The following PPP1R12C variants were observed in gnomAD, a reference collection of about 807,000 sequenced individuals.
The protein encoded by PPP1R12C is leukocyte receptor cluster (LRC) encoded novel gene 3.
In PPP1R12C, 48 loss-of-function variants were observed where a neutral mutation model predicts 95.6. The ratio of observed to expected loss-of-function variants is 0.50; its 90% CI spans 0.40 to 0.64. The LOEUF is 0.64. Among genes scored for constraint, PPP1R12C ranks in the 30% least tolerant of loss-of-function variants. The pLI, the probability that PPP1R12C is intolerant of heterozygous loss-of-function variation, is 0.00. For missense variants in PPP1R12C, 1,057 were observed against 1,083.3 expected (o/e 0.98, Z 0.34); for synonymous variants, 480 against 460.8 (o/e 1.04, Z -0.53).
intron 18 of PPP1R12C, 21 bp from the exon 19 acceptor site, chr19:55,092,347 G>T: frequency 6.3e-7 from 1 of 1,581,536 alleles, no homozygotes. Flanking sequence ...GGTAGAGGAG[G>T]GTCAGGTGGA....
At position 55,101,455 on chromosome 19, in the gene PPP1R12C, T is replaced by C. The variant is rs780922465; in HGVS notation, c.731+1954A>G. 1.6e-4 allele frequency among the ~76,000 whole-genome samples: 24 copies of C among 152,064 alleles called. 1 individual carries two copies. Among genetic ancestry groups the C allele is most frequent in the Non-Finnish European group, 1.8e-4 (12 of 68,022 alleles). On this transcript the variant is annotated intron_variant, in intron 4 of 21. Coordinates refer to ENST00000263433, the MANE Select transcript of PPP1R12C (RefSeq NM_017607.4). Reference sequence around the variant, plus strand: ...CAGGCCACCCAGCTGAAGACAAATCTCCAACTGTTCCTTGCAGCGAGGAGC... The same window carrying C: ...CAGGCCACCCAGCTGAAGACAAATCCCCAACTGTTCCTTGCAGCGAGGAGC...
At chr19:55,103,933 C>T (rs1163687687) in intron 3 of PPP1R12C, among the ~76,000 whole-genome samples, 2 of 149,278 alleles carry the variant, frequency 1.3e-5, no homozygotes, top group Non-Finnish European at 3.0e-5. Flanking sequence ...AGGTGGATCA[C>T]GAGCTCAGGA....
intron 4 of PPP1R12C, among the ~76,000 whole-genome samples, chr19:55,099,770 AAAC>A (rs1407650252): frequency 6.6e-6 from 1 of 152,228 alleles, no homozygotes; most frequent in Non-Finnish European, 1.5e-5. Flanking sequence ...TTCTGCGAGA[AAAC>A]AATAACCACC....
chr19:55,104,895 T>C (rs533555366), intron 3 of PPP1R12C, among the ~76,000 whole-genome samples: 14 of 151,296 alleles, frequency 9.3e-5, no homozygotes, highest in African/African-American at 2.7e-4. Flanking sequence ...CCTCAGCTTC[T>C]TGAGTAGCTG....
At chr19:55,112,979 G>T (rs1320979351) in intron 1 of PPP1R12C, 184 bp from the exon 2 acceptor site, 14 of 781,820 alleles carry the variant, frequency 1.8e-5, no homozygotes, top group Non-Finnish European at 2.6e-5. Context: ...TGGTCAGGCC[G>T]GCCAGGCCTT....
In PPP1R12C at chr19:55,091,327, C is replaced by T. The variant is rs921949322; in HGVS notation, c.*145G>A. 2 of 884,814 alleles carry T rather than the reference C, an allele frequency of 2.3e-6. No individual in the cohort carries two copies. The highest frequency in any genetic ancestry group is 2.7e-5 in the East Asian group (1 of 37,530). The allele number at this position is 884,814 out of a possible 1,614,324, so 54.8% of individuals were successfully genotyped here. On this transcript the variant is annotated 3_prime_UTR_variant, in exon 22 of 22. Transcript: ENST00000263433. Reference sequence around the variant, plus strand: ...GCCCCCTCGGCTCCTGGGGACTCTGCTCCCCTCCCAGTCCGGAGGTCCCAG... The same window carrying T: ...GCCCCCTCGGCTCCTGGGGACTCTGTTCCCCTCCCAGTCCGGAGGTCCCAG...
At chr19:55,099,481 G>A (rs1299782819) in intron 4 of PPP1R12C, among the ~76,000 whole-genome samples, 1 of 152,212 alleles carries the variant, frequency 6.6e-6, no homozygotes, top group African/African-American at 2.4e-5. Context: ...ACCCCCAAAG[G>A]GCTGTCTCAG....
intron 6 of PPP1R12C, chr19:55,097,005 C>T (rs867319876): frequency 1.9e-5 from 4 of 211,292 alleles, no homozygotes; most frequent in Non-Finnish European, 2.6e-5. Context: ...CCCTTCCCCG[C>T]GCAGTTCACC....
chr19:55,092,232 C>T lies in PPP1R12C; in HGVS notation c.2150G>A (p.Arg717Gln). 1 of 1,577,848 alleles carries T rather than the reference C, an allele frequency of 6.3e-7. No homozygotes were observed. The highest frequency in any genetic ancestry group is 8.6e-7 in the Non-Finnish European group (1 of 1,164,122). Residue 717 changes from arginine to glutamine, a missense_variant, in exon 19 of 22, where the codon CGG becomes CAG. Around this residue, in one of 5 missense-constraint regions of PPP1R12C, gnomAD observed 347 missense variants for 307.9 expected, o/e 1.13. Coordinates refer to ENST00000263433, the MANE Select transcript of PPP1R12C (RefSeq NM_017607.4). ...RLAQLKVELE[R>Q]ATQRQERFAE... ...CCTCGGCGCCCTTACCTGCGTGGCCCGCTCCAGCTCCACCTTGAGCTGCGC... is the reference window on the plus strand; with the variant it reads ...CCTCGGCGCCCTTACCTGCGTGGCCTGCTCCAGCTCCACCTTGAGCTGCGC...
At chr19:55,097,605 TCGCCCCTTCCCCGCG>T in intron 6 of PPP1R12C, among the ~76,000 whole-genome samples, 1 of 53,010 alleles carries the variant, frequency 1.9e-5, no homozygotes, top group African/African-American at 6.0e-5. Flanking sequence ...ACCACCGTCT[TCGCCCCTTCCCCGCG>T]CAGTTCACCA....
In PPP1R12C at chr19:55,092,637, C is replaced by A. The variant is rs187012282; in HGVS notation, c.1937G>T (p.Arg646Leu). The change falls in exon 17 of 22, where the codon CGC (arginine) becomes CTC (leucine). Residue 646 changes from arginine (R) to leucine (L), a missense_variant. Physicochemically the swap from Arg to Leu is moderately radical, Grantham distance 102. Coordinates refer to ENST00000263433, the MANE Select transcript of PPP1R12C (RefSeq NM_017607.4). Reference protein sequence around the residue: ...AEGEEAEPADRSQESSTLEGG... With the variant: ...AEGEEAEPADLSQESSTLEGG... The stretch of plus-strand genomic sequence containing the variant: ...CCGCCCCTACCTGGACTCCTGGCTG[C>A]GGTCAGCCGGCTCCGCCTCCTCCCC... 8.5e-6 allele frequency: 13 copies of A among 1,533,690 alleles called. No individual in the cohort carries two copies. In the East Asian group the frequency reaches 2.1e-4, roughly 25 times the overall value.
Position 55,096,124 on chromosome 19 carries a change from G to T in PPP1R12C, c.1080C>A (p.Ser360=). The T allele has an allele frequency of 6.3e-7, 1 of 1,598,914 alleles. No homozygotes were observed. Among genetic ancestry groups the T allele is most frequent in the Non-Finnish European group, 8.5e-7 (1 of 1,173,958 alleles). The part of the protein sequence containing the change: ...SREKISLQDL[S]KERRPGGAGG... ...CAGCCCCACCAGGCCGGCGCTCCTTGGACAAGTCCTGGAGGGAAATCTTCT... is the reference window on the plus strand; with the variant it reads ...CAGCCCCACCAGGCCGGCGCTCCTTTGACAAGTCCTGGAGGGAAATCTTCT... Residue 360 remains serine (S), a synonymous_variant, in exon 8 of 22, where the codon TCC becomes TCA. Coordinates refer to ENST00000263433, the MANE Select transcript of PPP1R12C (RefSeq NM_017607.4).
Position 55,105,030 on chromosome 19 carries a change from A to G in PPP1R12C, c.572-1462T>C, listed in dbSNP as rs2085022535. On this transcript the variant is annotated intron_variant, in intron 3 of 21. Transcript: ENST00000263433. ...CATGATCCACCCGCCTCGGCCTCCC[A>G]AAGTGCTGAAATTACAGGCAGGAGC... 4.7e-5 allele frequency among the ~76,000 whole-genome samples: 7 copies of G among 150,080 alleles called. No homozygotes were observed. The South Asian group carries it at 1.5e-3, about 32-fold the overall frequency.
Position 55,109,627 on chromosome 19 carries a change from C to G in PPP1R12C, c.571+2840G>C, listed in dbSNP as rs143434238. Among the ~76,000 whole-genome samples the G allele has an allele frequency of 6.6e-6, 1 of 152,220 alleles. No individual in the cohort carries two copies. The highest frequency in any genetic ancestry group is 6.5e-5 in the Admixed American group (1 of 15,284). Reference sequence around the variant, plus strand: ...AGCCAGGGAAAGCGAAGGGGATGGTCGTGCCTGAGGCCGGTCTGTCTTCTC... The same window carrying G: ...AGCCAGGGAAAGCGAAGGGGATGGTGGTGCCTGAGGCCGGTCTGTCTTCTC... On this transcript the variant is annotated intron_variant, in intron 3 of 21. Transcript: ENST00000263433. The surrounding 1 kb of genome is among the most constrained non-coding windows in gnomAD (Gnocchi z 4.4).
At chr19:55,110,304 T>TGTA (rs760333192) in intron 3 of PPP1R12C, among the ~76,000 whole-genome samples, 1 of 151,166 alleles carries the variant, frequency 6.6e-6, no homozygotes, top group Non-Finnish European at 1.5e-5. Context: ...TGGGTGAGAG[T>TGTA]GTAGCATCAA....
At chr19:55,102,238 G>C (rs936700894) in intron 4 of PPP1R12C, among the ~76,000 whole-genome samples, 1 of 152,228 alleles carries the variant, frequency 6.6e-6, no homozygotes, top group Non-Finnish European at 1.5e-5. Flanking sequence ...CCTTGGTTGG[G>C]TGCAGTGGCT....
At chr19:55,101,470 C>T (rs144126777) in intron 4 of PPP1R12C, among the ~76,000 whole-genome samples, 20 of 152,272 alleles carry the variant, frequency 1.3e-4, no homozygotes, top group Non-Finnish European at 2.5e-4. Context: ...CTGTTCCTTG[C>T]AGCGAGGAGC....
chr19:55,115,304 G>A (rs553020011), intron 1 of PPP1R12C: 1 of 152,120 alleles, frequency 6.6e-6, no homozygotes. Flanking sequence ...TAAAACTGAC[G>A]CACGGAGGAA....
chr19:55,111,142 TG>T (rs1199579017), intron 3 of PPP1R12C, among the ~76,000 whole-genome samples: 74 of 6,998 alleles, frequency 0.011, no homozygotes, highest in Non-Finnish European at 0.016. Context: ...CTTCGTGGGG[TG>T]GGGGGGAGGG....
Sources: allele counts gnomAD v4.1 joint callset (sites outside exome capture counted in the v4.1 genomes callset), GRCh38; gene constraint gnomAD v4.1.1; regional missense constraint gnomAD v4.1.1; non-coding constraint Gnocchi (gnomAD v3.1); transcripts MANE v1.5; gene names NCBI Gene and HGNC (gene_info 2026-07-23, HGNC 2026-07-21).